Variants in DOCK1 observed in about 807,000 individuals in gnomAD.
The protein encoded by DOCK1 is dedicator of cytokinesis 1.
DOCK1 carries 138 observed loss-of-function variants against 262.7 expected under a neutral mutation model. That is an observed-to-expected ratio of 0.53 (90% CI 0.46 to 0.61). The LOEUF (loss-of-function observed/expected upper bound fraction) is 0.61. Ranked by LOEUF, DOCK1 falls within the 20% of genes least tolerant of loss-of-function variation. The probability of loss-of-function intolerance (pLI) is 0.00; values close to 1 mark genes in which losing one functional copy is unlikely to be tolerated. For synonymous variants in DOCK1, 866 were observed against 867.4 expected, an observed-to-expected ratio of 1.00 and a Z score of 0.03; for missense variants, 1,908 against 2,370.7, an observed-to-expected ratio of 0.80 and a Z score of 4.05.
rs868832663 is a variant in DOCK1, at chr10:127,226,474, T to A, written c.2848-21534T>A. On this transcript the variant is annotated intron_variant, in intron 27 of 51. Coordinates refer to ENST00000623213, the MANE Select transcript of DOCK1 (RefSeq NM_001290223.2). ...ATAGTATGTGGGAAGCTGGGCACAG[T>A]GGCTCACACCTGTCATCTCAGCACT... 2.7e-5 allele frequency among the ~76,000 whole-genome samples: 4 copies of A among 149,086 alleles called. No homozygotes were observed. The Middle Eastern group carries it at 0.01, about 380-fold the overall frequency.
chr10:127,356,548 T>C (rs750394440), intron 32 of DOCK1, among the ~76,000 whole-genome samples: 1 of 152,098 alleles, frequency 6.6e-6, no homozygotes, highest in Non-Finnish European at 1.5e-5. Flanking sequence ...GCATCTGTCA[T>C]TTGCTCTGTT....
chr10:127,009,363 G>A (rs1223568830), intron 11 of DOCK1, among the ~76,000 whole-genome samples: 2 of 152,160 alleles, frequency 1.3e-5, no homozygotes, highest in Admixed American at 6.5e-5. Context: ...CTGAGAAAAA[G>A]CTCTTGGAGG....
chr10:127,238,150 A>G (rs1365013175), intron 27 of DOCK1, among the ~76,000 whole-genome samples: 1 of 152,232 alleles, frequency 6.6e-6, no homozygotes, highest in African/African-American at 2.4e-5. Flanking sequence ...CCCGAATAGA[A>G]TGTAAGATCT....
chr10:126,930,297 G>A (rs1171820283), intron 1 of DOCK1, among the ~76,000 whole-genome samples: 13 of 152,250 alleles, frequency 8.5e-5, no homozygotes, highest in Non-Finnish European at 1.8e-4. Flanking sequence ...CAGGTGCTCA[G>A]TTCTCTTGGG....
chr10:126,981,079 C>A (rs2038937559), intron 3 of DOCK1, among the ~76,000 whole-genome samples: 1 of 151,920 alleles, frequency 6.6e-6, no homozygotes, highest in Non-Finnish European at 1.5e-5. Context: ...TCCTGAGTAG[C>A]TGGGACTACA....
In DOCK1 at chr10:127,165,197, C is replaced by T. The variant is rs190028578; in HGVS notation, c.2847+37433C>T. On this transcript the variant is annotated intron_variant, in intron 27 of 51. Transcript: ENST00000623213. ...GCCAGTGGTTCTGATGGTAAATATC[C>T]ACAGAGTCTTTTATCTTTAATTTCT... Among the ~76,000 whole-genome samples, 3 of 152,258 alleles carry T rather than the reference C, an allele frequency of 2.0e-5. No individual in the cohort carries two copies. In the East Asian group the frequency reaches 5.8e-4, roughly 29 times the overall value.
intron 10 of DOCK1, among the ~76,000 whole-genome samples, chr10:127,008,049 A>G (rs1048600784): frequency 4.6e-5 from 7 of 152,186 alleles, no homozygotes; most frequent in African/African-American, 1.7e-4. Context: ...AATTAAATGA[A>G]TGAAATAAAA....
chr10:126,925,051 T>A (rs2134134693), intron 1 of DOCK1, among the ~76,000 whole-genome samples: 1 of 152,336 alleles, frequency 6.6e-6, no homozygotes, highest in Non-Finnish European at 1.5e-5. Context: ...GTTTAGAAAA[T>A]TCTCACTGGG....
intron 27 of DOCK1, among the ~76,000 whole-genome samples, chr10:127,153,134 T>G (rs756178776): frequency 2.0e-5 from 3 of 152,216 alleles, no homozygotes; most frequent in Non-Finnish European, 2.9e-5. Flanking sequence ...AAGAACTTAC[T>G]CATAACATTT....
At chr10:126,941,721 C>T (rs935806170) in intron 1 of DOCK1, among the ~76,000 whole-genome samples, 1 of 151,868 alleles carries the variant, frequency 6.6e-6, no homozygotes, top group Non-Finnish European at 1.5e-5. Flanking sequence ...TGCCACTGCA[C>T]TCCAGCCTGG....
At chr10:127,396,245 G>C (rs1032314369) in intron 38 of DOCK1, among the ~76,000 whole-genome samples, 5 of 151,950 alleles carry the variant, frequency 3.3e-5, no homozygotes, top group African/African-American at 9.7e-5. Flanking sequence ...AGTGATGCTG[G>C]GTGCATAGAG....
chr10:127,290,839 G>T (rs540967712), intron 29 of DOCK1, among the ~76,000 whole-genome samples: 96 of 152,264 alleles, frequency 6.3e-4, no homozygotes, highest in Non-Finnish European at 1.3e-3. Context: ...GGCCATTTGG[G>T]TTGTTTCTAG....
chr10:127,186,477 C>G (rs896699421), intron 27 of DOCK1, among the ~76,000 whole-genome samples: 3 of 137,706 alleles, frequency 2.2e-5, no homozygotes, highest in African/African-American at 7.9e-5. Context: ...CGATTTCACT[C>G]ACAATCATGA....
chr10:127,042,983 G>A (rs1591787989), intron 20 of DOCK1, 81 bp from the exon 21 acceptor site: 1 of 827,994 alleles, frequency 1.2e-6, no homozygotes. Context: ...TCCTAACACA[G>A]GGGTGCAGAT....
Position 127,358,308 on chromosome 10 carries a change from C to G in DOCK1, c.3283+3581C>G, listed in dbSNP as rs193227254. ...ATTTAATGCAAGGGCAAACATGGCA[C>G]TGCCCCATGGGACAGAGTGATGTGT... On this transcript the variant is annotated intron_variant, in intron 32 of 51. Transcript: ENST00000623213. Among the ~76,000 whole-genome samples, 278 of 152,256 alleles carry G rather than the reference C, an allele frequency of 1.8e-3. 2 individuals are homozygous for G. Among genetic ancestry groups the G allele is most frequent in the African/African-American group, 6.5e-3 (272 of 41,548 alleles).
intron 47 of DOCK1, among the ~76,000 whole-genome samples, chr10:127,426,961 G>A (rs1354752169): frequency 6.6e-6 from 1 of 152,184 alleles, no homozygotes; most frequent in Non-Finnish European, 1.5e-5. Flanking sequence ...GCAAAGCCAG[G>A]CACCGTGAGT....
intron 27 of DOCK1, among the ~76,000 whole-genome samples, chr10:127,227,161 G>A (rs1361940546): frequency 7.2e-5 from 11 of 152,180 alleles, no homozygotes; most frequent in South Asian, 2.1e-4. Flanking sequence ...GATTGACACC[G>A]TGGCCAGCCC....
At chr10:126,983,509 C>G (rs1668322882) in intron 4 of DOCK1, among the ~76,000 whole-genome samples, 1 of 152,144 alleles carries the variant, frequency 6.6e-6, no homozygotes, top group South Asian at 2.1e-4. Context: ...TCTTGCTGGT[C>G]TCTTGCATGA....
Position 126,951,013 on chromosome 10 carries a change from G to C in DOCK1, c.47-19689G>C, listed in dbSNP as rs2134392989. On this transcript the variant is annotated intron_variant, in intron 1 of 51. Transcript: ENST00000623213. ...TAGTATTGATGTTGGTGGGGGTGGT[G>C]AAGGTGGTAGTATTGTTGGTAGTAG... Among the ~76,000 whole-genome samples, 3 of 152,116 alleles carry C rather than the reference G, an allele frequency of 2.0e-5. No individual in the cohort carries two copies. The South Asian group carries it at 6.3e-4, about 32-fold the overall frequency.
Sources: gnomAD v4.1 joint callset for allele counts (sites outside exome capture counted in the v4.1 genomes callset) on GRCh38, gnomAD v4.1.1 for gene constraint, MANE v1.5 for transcripts, NCBI Gene and HGNC (gene_info 2026-07-23, HGNC 2026-07-21) for gene names.